The following OLFML3 variants were observed in gnomAD, a reference collection of about 807,000 sequenced individuals.
The protein encoded by OLFML3 is olfactomedin like 3, also known as olfactomedin-like protein 3.
In OLFML3, 26 loss-of-function variants were observed where a neutral mutation model predicts 36.0. The observed-to-expected ratio is 0.72, with a 90% CI of 0.53 to 1.00. The LOEUF is 1.00. OLFML3 is among the 50% of genes least tolerant of loss of function. OLFML3 has a pLI of 0.00. For synonymous variants in OLFML3, 184 were observed against 201.2 expected, an observed-to-expected ratio of 0.91 and a Z score of 0.72; for missense variants, 503 against 519.4, an observed-to-expected ratio of 0.97 and a Z score of 0.31.
In OLFML3 at chr1:113,981,177, C is replaced by T; in HGVS notation, c.629C>T (p.Thr210Ile). Residue 210 changes from threonine to isoleucine, a missense_variant, in exon 3 of 3, where the codon ACA (threonine) becomes ATA (isoleucine). Coordinates refer to ENST00000320334, the MANE Select transcript of OLFML3 (RefSeq NM_020190.5). ...RVRVPFPWVG[T>I]GQLVYGGFLY... The stretch of plus-strand genomic sequence containing the variant: ...CGGGTGCCCTTCCCCTGGGTAGGCA[C>T]AGGGCAGCTGGTATATGGTGGCTTT... The T allele has an allele frequency of 1.2e-6, 2 of 1,614,230 alleles. No individual in the cohort carries two copies. Among genetic ancestry groups the T allele is most frequent in the East Asian group, 4.5e-5 (2 of 44,882 alleles).
Position 113,980,978 on chromosome 1 carries a change from T to A in OLFML3, c.430T>A (p.Ser144Thr). Residue 144 changes from serine to threonine, a missense_variant, in exon 3 of 3, where the codon TCA becomes ACA. Ser to Thr is a moderately conservative substitution (Grantham distance 58, BLOSUM62 1). Transcript: ENST00000320334. ...TGGCTACACAATCTCTCAAGTGAGA[T>A]CAATGAAGATTCTGAAGCGATTTGG... is the stretch of plus-strand genomic sequence containing the variant. ...DCGYTISQVR[S>T]MKILKRFGGP... The A allele has an allele frequency of 6.5e-7, 1 of 1,533,200 alleles. No individual in the cohort carries two copies. Among genetic ancestry groups the A allele is most frequent in the Non-Finnish European group, 8.8e-7 (1 of 1,140,602 alleles). The allele number at this position is 1,533,200 out of a possible 1,614,324, so 95.0% of individuals were successfully genotyped here. A position where few individuals can be genotyped will look rare whatever the true frequency, so the allele number is the denominator to read the frequency against.
rs1673404729 is a variant in OLFML3, at chr1:113,981,364, C to T, written c.816C>T (p.Thr272=). The T allele has an allele frequency of 6.2e-7, 1 of 1,607,436 alleles. No homozygotes were observed. Among genetic ancestry groups the T allele is most frequent in the Non-Finnish European group, 8.5e-7 (1 of 1,176,552 alleles). ...CCCCCTACGGCTTGACAGCAGACACCTACATCGACCTGGCAGCTGATGAGG... is the reference window on the plus strand; with the variant it reads ...CCCCCTACGGCTTGACAGCAGACACTTACATCGACCTGGCAGCTGATGAGG... The part of the protein sequence containing the change: ...LIPPYGLTAD[T]YIDLAADEEG... The change falls in exon 3 of 3, where the codon ACC becomes ACT. Residue 272 remains threonine (T), a synonymous_variant. Transcript: ENST00000320334.
In OLFML3 at chr1:113,981,464, C is replaced by G. The variant is rs1202405255; in HGVS notation, c.916C>G (p.Leu306Val). The G allele has an allele frequency of 5.6e-6, 9 of 1,613,724 alleles. No individual in the cohort carries two copies. Among genetic ancestry groups the G allele is most frequent in the Non-Finnish European group, 7.6e-6 (9 of 1,179,888 alleles). ...TCTGGCCAAGTTAGATCCACAGACA[C>G]TGGACACAGAGCAGCAGTGGGACAC... ...LCLAKLDPQTLDTEQQWDTPC... is the reference protein window; with the variant it reads ...LCLAKLDPQTVDTEQQWDTPC... Residue 306 changes from leucine (L) to valine (V), a missense_variant, in exon 3 of 3, where the codon CTG becomes GTG. Leu to Val is a conservative substitution (Grantham distance 32, BLOSUM62 1). Coordinates refer to ENST00000320334, the MANE Select transcript of OLFML3 (RefSeq NM_020190.5).
At chr1:113,980,893 T>A in intron 2 of OLFML3, 56 bp from the exon 3 acceptor site, 1 of 1,413,686 alleles carries the variant, frequency 7.1e-7, no homozygotes, top group Non-Finnish European at 9.5e-7. Context: ...GGGGAGTTCC[T>A]GCTGGAGGCA....
At chr1:113,979,936 G>A (rs1673345247) in intron 1 of OLFML3, 2 of 1,427,784 alleles carry the variant, frequency 1.4e-6, no homozygotes, top group South Asian at 3.2e-5. Flanking sequence ...TGAAGTTGGA[G>A]GTTCCCGGGG....
At position 113,980,157 on chromosome 1, in the gene OLFML3, C is replaced by G. The variant is rs765010412; in HGVS notation, c.115-175C>G. Reference sequence around the variant, plus strand: ...GGCCTAGGTGAATCTCAGCTAGGCTCTTTGCACATTTAGCACCTCTGCACA... The same window carrying G: ...GGCCTAGGTGAATCTCAGCTAGGCTGTTTGCACATTTAGCACCTCTGCACA... On this transcript the variant is annotated intron_variant, in intron 1 of 2. Transcript: ENST00000320334. 22 of 1,538,416 alleles carry G rather than the reference C, an allele frequency of 1.4e-5. No homozygotes were observed. In the South Asian group the frequency reaches 1.8e-4, roughly 13 times the overall value.
intron 1 of OLFML3, 22 bp from the exon 2 acceptor site, chr1:113,980,307 CCCT>C: frequency 6.5e-7 from 1 of 1,530,922 alleles, no homozygotes; most frequent in Non-Finnish European, 8.8e-7. Context: ...CCTGCAGCCT[CCCT>C]CCTGATCCCC....
rs1673336742 is a variant in OLFML3 at position 113,979,756 on chromosome 1, T to G, written c.114+126T>G. On this transcript the variant is annotated intron_variant, in intron 1 of 2. Coordinates refer to ENST00000320334, the MANE Select transcript of OLFML3 (RefSeq NM_020190.5). Reference sequence around the variant, plus strand: ...TTAGAGTCTACAGAAAATTCTCTCTTAATAAGAGGACCTTCGGAATGACAA... The same window carrying G: ...TTAGAGTCTACAGAAAATTCTCTCTGAATAAGAGGACCTTCGGAATGACAA... The G allele has an allele frequency of 3.6e-6, 3 of 837,810 alleles. No homozygotes were observed. The South Asian group carries it at 5.1e-5, about 14-fold the overall frequency. 51.9% of individuals were successfully genotyped at this position (837,810 alleles called of 1,614,324 possible). A position where few individuals can be genotyped will look rare whatever the true frequency, so the allele number is the denominator to read the frequency against.
rs539313744 is a variant in OLFML3 at position 113,980,034 on chromosome 1, T to G, written c.115-298T>G. On this transcript the variant is annotated intron_variant, in intron 1 of 2. Coordinates refer to ENST00000320334, the MANE Select transcript of OLFML3 (RefSeq NM_020190.5). ...TAATTGCTAAGGGAGCAGAGACCTCTTCACACCTTCATGCGCTTAGACCTG... is the reference window on the plus strand; with the variant it reads ...TAATTGCTAAGGGAGCAGAGACCTCGTCACACCTTCATGCGCTTAGACCTG... 6.5e-6 allele frequency: 10 copies of G among 1,530,892 alleles called. No homozygotes were observed. The Admixed American group carries it at 8.6e-5, about 13-fold the overall frequency. The allele number at this position is 1,530,892 out of a possible 1,614,324, so 94.8% of individuals were successfully genotyped here. A position where few individuals can be genotyped will look rare whatever the true frequency, so the allele number is the denominator to read the frequency against.
chr1:113,980,685 TC>T, intron 2 of OLFML3, 68 bp downstream of exon 2: 1 of 1,468,208 alleles, frequency 6.8e-7, no homozygotes, highest in East Asian at 2.4e-5. Context: ...TGCTTCTTAC[TC>T]TTTTTTTCGC....
intron 1 of OLFML3, chr1:113,980,110 G>A (rs1422094535): frequency 6.5e-7 from 1 of 1,550,296 alleles, no homozygotes; most frequent in African/African-American, 1.4e-5. Flanking sequence ...ACACAGGCTG[G>A]AGGACATGGA....
rs751506471 is a variant in OLFML3 at position 113,979,530 on chromosome 1, C to G, written c.14C>G (p.Thr5Ser). The G allele has an allele frequency of 6.2e-7, 1 of 1,613,690 alleles. No individual in the cohort carries two copies. The highest frequency in any genetic ancestry group is 1.3e-5 in the African/African-American group (1 of 74,906). The change falls in exon 1 of 3, where the codon ACC becomes AGC. Residue 5 changes from threonine (T) to serine (S), a missense_variant. Transcript: ENST00000320334. ...CTCCAGGCTGCCATGGGGCCCAGCA[C>G]CCCTCTCCTCATCTTGTTCCTTTTG... Reference protein sequence around the residue: MGPSTPLLILFLLSW... With the variant: MGPSSPLLILFLLSW...
chr1:113,980,170 G>A (rs1314409373), intron 1 of OLFML3, 162 bp from the exon 2 acceptor site: 1 of 1,520,286 alleles, frequency 6.6e-7, no homozygotes. Flanking sequence ...TGCACATTTA[G>A]CACCTCTGCA....
chr1:113,980,124 G>T, intron 1 of OLFML3: 2 of 1,549,806 alleles, frequency 1.3e-6, no homozygotes, highest in South Asian at 1.2e-5. Context: ...ACATGGAGTC[G>T]GGGTAGGGGC....
In OLFML3 at chr1:113,981,981, C is replaced by T. The variant is rs1013691965; in HGVS notation, c.*212C>T. On this transcript the variant is annotated 3_prime_UTR_variant, in exon 3 of 3. Transcript: ENST00000320334. ...CCTTTTAGAGCCCGAAGAGTCAAAA[C>T]CCTCAATGTTCCCTCCTGCTCTCCT... The T allele has an allele frequency of 3.8e-5, 22 of 580,490 alleles. No individual in the cohort carries two copies. The highest frequency in any genetic ancestry group is 1.2e-4 in the Admixed American group (4 of 32,892). 36.0% of individuals were successfully genotyped at this position (580,490 alleles called of 1,614,324 possible).
Position 113,980,466 on chromosome 1 carries a change from C to T in OLFML3, c.249C>T (p.Ile83=). 1 of 1,614,000 alleles carries T rather than the reference C, an allele frequency of 6.2e-7. No individual in the cohort carries two copies. The highest frequency in any genetic ancestry group is 8.5e-7 in the Non-Finnish European group (1 of 1,179,976). The stretch of plus-strand genomic sequence containing the variant: ...CACTCAGAACTGAGGCCGACACCAT[C>T]TCCGGGAGAGTGGATCGTCTGGAGC... ...REALRTEADT[I]SGRVDRLERE... The change falls in exon 2 of 3, where the codon ATC becomes ATT. Residue 83 remains isoleucine (I), a synonymous_variant. Transcript: ENST00000320334.
chr1:113,980,525 C>A lies in OLFML3; in HGVS notation c.308C>A (p.Ala103Asp). 6.2e-7 allele frequency: 1 copy of A among 1,614,138 alleles called. No homozygotes were observed. Among genetic ancestry groups the A allele is most frequent in the Non-Finnish European group, 8.5e-7 (1 of 1,180,012 alleles). The change falls in exon 2 of 3, where the codon GCT becomes GAT. Residue 103 changes from alanine (A) to aspartate (D), a missense_variant. Transcript: ENST00000320334. The part of the protein sequence containing the change: ...EVDYLETQNP[A>D]LPCVEFDEKV... ...GACTATCTGGAGACCCAGAACCCAG[C>A]TCTGCCCTGTGTAGAGTTTGATGAG...
rs2055542 is a variant in OLFML3, at chr1:113,981,934, G to C, written c.*165G>C. 3.1e-6 allele frequency: 2 copies of C among 655,020 alleles called. No individual in the cohort carries two copies. Among genetic ancestry groups the C allele is most frequent in the Non-Finnish European group, 5.2e-6 (2 of 384,156 alleles). The allele number at this position is 655,020 out of a possible 1,614,324, so 40.6% of individuals were successfully genotyped here. ...TTCTTTCAGCTCCTTTGTTTCATAC[G>C]GAACTCCAGATCCTGAGTAATCCTT... On this transcript the variant is annotated 3_prime_UTR_variant, in exon 3 of 3. Coordinates refer to ENST00000320334, the MANE Select transcript of OLFML3 (RefSeq NM_020190.5).
At position 113,982,026 on chromosome 1, in the gene OLFML3, C is replaced by T; in HGVS notation, c.*257C>T. 1 of 484,736 alleles carries T rather than the reference C, an allele frequency of 2.1e-6. No individual in the cohort carries two copies. The highest frequency in any genetic ancestry group is 3.7e-6 in the Non-Finnish European group (1 of 267,222). 30.0% of individuals were successfully genotyped at this position (484,736 alleles called of 1,614,324 possible). ...TCTCCTGCCCCATGTCAACAAATTT[C>T]AGGCTAAGGATGCCCCAGACCCAGG... is the stretch of plus-strand genomic sequence containing the variant. On this transcript the variant is annotated 3_prime_UTR_variant, in exon 3 of 3. Coordinates refer to ENST00000320334, the MANE Select transcript of OLFML3 (RefSeq NM_020190.5).
Sources: gnomAD v4.1 joint callset for allele counts on GRCh38, gnomAD v4.1.1 for gene constraint, MANE v1.5 for transcripts, NCBI Gene and HGNC (gene_info 2026-07-23, HGNC 2026-07-21) for gene names.